Variants in LOC122539214 observed in about 807,000 individuals in gnomAD.
At chr19:52,679,184 C>A in the LOC122539214 span, among the ~76,000 whole-genome samples, 2 of 152,350 alleles carry the variant, frequency 1.3e-5, no homozygotes, top group Middle Eastern at 3.4e-3. Context: ...TCATAGGAGG[C>A]TGTGAGCCCA....
the LOC122539214 span, among the ~76,000 whole-genome samples, chr19:52,665,109 T>C: frequency 1.3e-5 from 2 of 152,114 alleles, no homozygotes; most frequent in African/African-American, 4.8e-5. Flanking sequence ...CAGAACCAAT[T>C]AGAAATCCTC....
the LOC122539214 span, among the ~76,000 whole-genome samples, chr19:52,662,629 G>A: frequency 3.9e-5 from 6 of 152,066 alleles, no homozygotes; most frequent in South Asian, 2.1e-4. Flanking sequence ...TTACCATCTC[G>A]TATAGAAAAA....
the LOC122539214 span, chr19:52,652,776 C>T: frequency 1.2e-6 from 1 of 830,532 alleles, no homozygotes; most frequent in South Asian, 1.4e-5. Context: ...GTGATGACTG[C>T]CCACTAAAGG....
the LOC122539214 span, among the ~76,000 whole-genome samples, chr19:52,658,160 A>G: frequency 4.6e-5 from 7 of 151,776 alleles, no homozygotes; most frequent in Admixed American, 4.6e-4. Context: ...AAAAGTAGTG[A>G]ATAGGAAAAG....
chr19:52,664,283 C>G, the LOC122539214 span, among the ~76,000 whole-genome samples: 4 of 151,744 alleles, frequency 2.6e-5, no homozygotes, highest in African/African-American at 7.3e-5. Context: ...ATCCCTTAAG[C>G]CCTAGAGTTC....
the LOC122539214 span, among the ~76,000 whole-genome samples, chr19:52,658,845 C>T: frequency 5.3e-5 from 8 of 152,164 alleles, no homozygotes; most frequent in Non-Finnish European, 8.8e-5. Context: ...GTATTTACTT[C>T]AGATCACAGT....
chr19:52,668,433 A>G, the LOC122539214 span, among the ~76,000 whole-genome samples: 2 of 152,090 alleles, frequency 1.3e-5, no homozygotes, highest in Admixed American at 1.3e-4. Context: ...ATCCATTACT[A>G]TTCCTACCAC....
chr19:52,673,688 C>T, the LOC122539214 span, among the ~76,000 whole-genome samples: 7 of 152,044 alleles, frequency 4.6e-5, no homozygotes, highest in Admixed American at 4.6e-4. Flanking sequence ...CATGCAACTG[C>T]ACTCTAGCCT....
chr19:52,676,316 G>C, the LOC122539214 span, among the ~76,000 whole-genome samples: 24 of 152,166 alleles, frequency 1.6e-4, no homozygotes, highest in Non-Finnish European at 3.1e-4. Flanking sequence ...GCAGTGGCCT[G>C]ATCTCGGCTC....
the LOC122539214 span, among the ~76,000 whole-genome samples, chr19:52,686,474 ATATATAT>A: frequency 7.1e-6 from 1 of 141,318 alleles, no homozygotes; most frequent in African/African-American, 2.7e-5. Flanking sequence ...ATATATATAT[ATATATAT>A]AAATAAATGA....
chr19:52,658,061 T>C, the LOC122539214 span, among the ~76,000 whole-genome samples: 1 of 146,474 alleles, frequency 6.8e-6, no homozygotes, highest in Non-Finnish European at 1.5e-5. Flanking sequence ...GCTTTAACCA[T>C]GAAAGCGGAG....
At chr19:52,686,668 G>A in the LOC122539214 span, among the ~76,000 whole-genome samples, 53 of 152,144 alleles carry the variant, frequency 3.5e-4, no homozygotes, top group African/African-American at 1.3e-3. Context: ...CTACCTCCCA[G>A]GTTCAAGTGA....
At chr19:52,662,470 C>T in the LOC122539214 span, among the ~76,000 whole-genome samples, 5 of 151,616 alleles carry the variant, frequency 3.3e-5, no homozygotes, top group African/African-American at 7.3e-5. Flanking sequence ...TGAAATGACA[C>T]GATATGGAAG....
the LOC122539214 span, among the ~76,000 whole-genome samples, chr19:52,657,657 G>A: frequency 2.0e-5 from 3 of 152,202 alleles, no homozygotes; most frequent in Admixed American, 2.0e-4. Flanking sequence ...CGACCAGCCT[G>A]ACCAACATAG....
At chr19:52,664,914 AAT>A in the LOC122539214 span, among the ~76,000 whole-genome samples, 1 of 152,126 alleles carries the variant, frequency 6.6e-6, no homozygotes, top group Non-Finnish European at 1.5e-5. Flanking sequence ...GAGTCAGGGA[AAT>A]AGTACCTCCC....
the LOC122539214 span, chr19:52,654,276 G>T: frequency 1.3e-6 from 2 of 1,553,392 alleles, no homozygotes; most frequent in African/African-American, 1.4e-5. Context: ...TATCTTTCTT[G>T]ATTTCTGGGA....
At chr19:52,680,033 G>C in the LOC122539214 span, among the ~76,000 whole-genome samples, 2 of 152,072 alleles carry the variant, frequency 1.3e-5, no homozygotes, top group Non-Finnish European at 2.9e-5. Flanking sequence ...TACAAAATTA[G>C]CCAGGCGTAG....
At chr19:52,678,057 A>C in the LOC122539214 span, among the ~76,000 whole-genome samples, 6,032 of 151,810 alleles carry the variant, frequency 0.04, 373 homozygotes, top group African/African-American at 0.13. Context: ...AACAAAAAAC[A>C]AAACAAAACA....
the LOC122539214 span, among the ~76,000 whole-genome samples, chr19:52,683,817 C>T: frequency 6.6e-6 from 1 of 152,276 alleles, no homozygotes; most frequent in African/African-American, 2.4e-5. Flanking sequence ...CCTCAGTCTT[C>T]CGAGGACACC....
Sources: gnomAD v4.1 joint callset for allele counts (sites outside exome capture counted in the v4.1 genomes callset) on GRCh38, gnomAD v4.1.1 for gene constraint, MANE v1.5 for transcripts.